Variants in ROBO2 observed in about 807,000 individuals in gnomAD.
ROBO2 encodes the protein roundabout homolog 2.
ROBO2 carries 53 observed loss-of-function variants against 160.8 expected under a neutral mutation model. That is an observed-to-expected ratio of 0.33 (90% CI 0.26 to 0.41). ROBO2 has a LOEUF of 0.41. Among genes scored for constraint, ROBO2 ranks in the 10% least tolerant of loss-of-function variants. ROBO2 has a pLI of 1.00. For missense variants in ROBO2, 1,577 were observed against 1,722.4 expected (o/e 0.92, Z 1.49); for synonymous variants, 664 against 611.7 (o/e 1.09, Z -1.26).
chr3:77,498,021 G>C (rs1165583203), intron 5 of ROBO2, among the ~76,000 whole-genome samples: 1 of 152,088 alleles, frequency 6.6e-6, no homozygotes, highest in Non-Finnish European at 1.5e-5. Context: ...ACTTGGGTAA[G>C]AGTTAGTGTG....
chr3:76,999,159 T>C (rs2149408568), intron 2 of ROBO2, among the ~76,000 whole-genome samples: 1 of 152,104 alleles, frequency 6.6e-6, no homozygotes. Flanking sequence ...GTTTTCCTTT[T>C]TTTTTTAACT....
chr3:77,158,693 C>T (rs546728633), intron 2 of ROBO2, among the ~76,000 whole-genome samples: 12 of 152,076 alleles, frequency 7.9e-5, no homozygotes, highest in African/African-American at 2.7e-4. Context: ...GTTTGTCTTC[C>T]GACATGCTGA....
At chr3:75,961,208 T>A (rs1347710436) in intron 2 of ROBO2, among the ~76,000 whole-genome samples, 2 of 151,696 alleles carry the variant, frequency 1.3e-5, no homozygotes, top group African/African-American at 2.4e-5. Flanking sequence ...TTTATTGATC[T>A]CAGCTTCAAA....
In ROBO2 at chr3:77,357,455, C is replaced by T. The variant is rs181743017; in HGVS notation, c.389-119959C>T. On this transcript the variant is annotated intron_variant, in intron 2 of 25. Coordinates refer to ENST00000461745, the Ensembl canonical transcript of ROBO2. ...ATGCAGCAAGAAGGTCCACAACAGA[C>T]GCAGCCCTTCTATCCTGGACTTTCC... Among the ~76,000 whole-genome samples the T allele has an allele frequency of 9.9e-5, 15 of 152,240 alleles. No homozygotes were observed. The East Asian group carries it at 1.2e-3, about 12-fold the overall frequency.
At chr3:76,060,157 G>A (rs1576679895) in intron 2 of ROBO2, among the ~76,000 whole-genome samples, 1 of 151,722 alleles carries the variant, frequency 6.6e-6, no homozygotes, top group South Asian at 2.1e-4. Flanking sequence ...TATCATCACT[G>A]ACCATAACTA....
intron 2 of ROBO2, among the ~76,000 whole-genome samples, chr3:76,117,802 T>C (rs1255450538): frequency 6.6e-6 from 1 of 152,196 alleles, no homozygotes; most frequent in Non-Finnish European, 1.5e-5. Context: ...AAACAAAAAC[T>C]ATCATATATG....
intron 2 of ROBO2, among the ~76,000 whole-genome samples, chr3:76,636,812 G>T (rs747354519): frequency 2.0e-5 from 3 of 151,358 alleles, no homozygotes; most frequent in Non-Finnish European, 4.4e-5. Flanking sequence ...TGTAACAAAG[G>T]CAAGAGACTC....
chr3:77,329,067 A>G (rs1268592410), intron 2 of ROBO2, among the ~76,000 whole-genome samples: 1 of 152,150 alleles, frequency 6.6e-6, no homozygotes, highest in East Asian at 1.9e-4. Flanking sequence ...AAGTCTCCCT[A>G]AAACCCACAT....
chr3:77,632,309 C>T, intron 23 of ROBO2: 1 of 541,616 alleles, frequency 1.8e-6, no homozygotes, highest in Non-Finnish European at 3.2e-6. Flanking sequence ...TTCTTCTGCA[C>T]AAAAAATGTT....
In ROBO2 at chr3:76,326,767, C is replaced by T. The variant is rs1466695446; in HGVS notation, c.109+389165C>T. Among the ~76,000 whole-genome samples the T allele has an allele frequency of 2.9e-5, 3 of 102,394 alleles. 1 individual carries two copies. The highest frequency in any genetic ancestry group is 3.7e-5 in the African/African-American group (1 of 26,724). The allele number at this position is 102,394 out of a possible 152,430, so 67.2% of individuals were successfully genotyped here. A position where few individuals can be genotyped will look rare whatever the true frequency, so the allele number is the denominator to read the frequency against. On this transcript the variant is annotated intron_variant, in intron 2 of 26. Coordinates refer to the ROBO2 transcript ENST00000487694. ...TATATCTCCCAATGCTATCCCTCCC[C>T]CCTCCCCCCACCCCACAGCAGTCCC...
intron 2 of ROBO2, among the ~76,000 whole-genome samples, chr3:77,139,368 T>C (rs2076528646): frequency 6.6e-6 from 1 of 152,216 alleles, no homozygotes; most frequent in Non-Finnish European, 1.5e-5. Context: ...TCCATTCATA[T>C]TTGAAAATTA....
intron 2 of ROBO2, among the ~76,000 whole-genome samples, chr3:76,561,040 C>T (rs1380030263): frequency 6.7e-6 from 1 of 149,238 alleles, no homozygotes; most frequent in East Asian, 2.0e-4. Flanking sequence ...TAGTCAAGCT[C>T]TCTCTATATA....
intron 16 of ROBO2, among the ~76,000 whole-genome samples, chr3:77,587,522 T>A (rs1168788084): frequency 6.6e-6 from 1 of 151,942 alleles, no homozygotes; most frequent in Non-Finnish European, 1.5e-5. Context: ...TAATTTTGAG[T>A]CAAAAACTAC....
intron 2 of ROBO2, among the ~76,000 whole-genome samples, chr3:76,951,391 A>G (rs2078944831): frequency 6.6e-6 from 1 of 152,126 alleles, no homozygotes; most frequent in South Asian, 2.1e-4. Context: ...ATCCCATTCC[A>G]ATATTTAGCT....
At chr3:76,931,576 C>T (rs577249676) in intron 2 of ROBO2, among the ~76,000 whole-genome samples, 7 of 151,750 alleles carry the variant, frequency 4.6e-5, no homozygotes, top group Non-Finnish European at 8.8e-5. Flanking sequence ...CACACACACA[C>T]GTATATATGA....
At chr3:76,889,298 T>C (rs1301704221) in intron 2 of ROBO2, among the ~76,000 whole-genome samples, 1 of 152,194 alleles carries the variant, frequency 6.6e-6, no homozygotes, top group Non-Finnish European at 1.5e-5. Context: ...ATTCAAAATA[T>C]AGGCATTATT....
chr3:77,608,247 C>T (rs986227545), intron 21 of ROBO2, among the ~76,000 whole-genome samples: 1 of 152,116 alleles, frequency 6.6e-6, no homozygotes, highest in Non-Finnish European at 1.5e-5. Flanking sequence ...AAGCAAGTAC[C>T]CACAGCTCTG....
intron 2 of ROBO2, among the ~76,000 whole-genome samples, chr3:77,477,145 A>G (rs1435430659): frequency 6.6e-6 from 1 of 152,198 alleles, no homozygotes; most frequent in Non-Finnish European, 1.5e-5. Flanking sequence ...GCAGAACTGT[A>G]CATGAATATT....
At chr3:77,039,397 A>C (rs927755873), upstream of ROBO2, among the ~76,000 whole-genome samples, 1 of 152,168 alleles carries the variant, frequency 6.6e-6, no homozygotes, top group Non-Finnish European at 1.5e-5. Flanking sequence ...TTTTTCAAGA[A>C]AGCGCGTGCA....
Sources: gnomAD v4.1 joint callset for allele counts (sites outside exome capture counted in the v4.1 genomes callset) on GRCh38, gnomAD v4.1.1 for gene constraint, MANE v1.5 for transcripts, NCBI Gene and HGNC (gene_info 2026-07-23, HGNC 2026-07-21) for gene names.